ANOS1: variants seen among roughly 807,000 people sequenced by gnomAD.
ANOS1 encodes anosmin 1.
A neutral mutation model predicts 59.0 loss-of-function variants in ANOS1; 6 were observed. The ratio of observed to expected loss-of-function variants is 0.10; its 90% confidence interval spans 0.06 to 0.20. The LOEUF (loss-of-function observed/expected upper bound fraction) is 0.20, where lower values mean the gene tolerates loss of function less well. ANOS1 is among the 10% of genes least tolerant of loss of function. ANOS1 has a pLI of 1.00. For missense variants in ANOS1, 433 were observed against 542.3 expected (o/e 0.80, Z 2.00); for synonymous variants, 217 against 223.4 (o/e 0.97, Z 0.25).
At chrX:8,611,318 G>GAA (rs143887939) in intron 3 of ANOS1, among the ~76,000 whole-genome samples, 24 of 100,231 alleles carry the variant, frequency 2.4e-4, no homozygotes, top group African/African-American at 7.6e-4. Flanking sequence ...TGACCAAAAG[G>GAA]AAAAAAAAAA....
Position 8,654,662 on chromosome X carries a change from C to T in ANOS1, c.256-30992G>A, listed in dbSNP as rs557430700. 5.4e-5 allele frequency among the ~76,000 whole-genome samples: 6 copies of T among 111,846 alleles called. No homozygotes were observed. The East Asian group carries it at 1.4e-3, about 26-fold the overall frequency. ...CCTGTGATTCCCTGTCCCATGACTA[C>T]GGCTCTCAGTACGGTGTGTTGACAT... On this transcript the variant is annotated intron_variant, in intron 2 of 13. Transcript: ENST00000262648.
chrX:8,644,285 C>A (rs1931715338), intron 2 of ANOS1, among the ~76,000 whole-genome samples: 1 of 111,090 alleles, frequency 9.0e-6, no homozygotes, highest in African/African-American at 3.3e-5. Context: ...CCCAAATAAA[C>A]CTGAAAAATT....
intron 12 of ANOS1, 121 bp from the exon 13 acceptor site, chrX:8,534,581 T>C: frequency 1.4e-6 from 1 of 735,270 alleles, no homozygotes. Context: ...GCAAGTTTGG[T>C]TGCTTTGTAA....
At chrX:8,578,469 G>A (rs1930367877) in intron 6 of ANOS1, among the ~76,000 whole-genome samples, 2 of 111,490 alleles carry the variant, frequency 1.8e-5, no homozygotes, top group South Asian at 7.6e-4. Context: ...AAAAAGTCAT[G>A]GGTCCCCACG....
chrX:8,664,995 T>G (rs1195149692), intron 2 of ANOS1, among the ~76,000 whole-genome samples: 2 of 111,694 alleles, frequency 1.8e-5, no homozygotes, highest in Non-Finnish European at 3.8e-5. Context: ...GCACACAAAA[T>G]GATGAACAAA....
rs186366629 is a variant in ANOS1, at chrX:8,546,313, A to T, written c.1355-6555T>A. The stretch of plus-strand genomic sequence containing the variant: ...GTTTGAAACACATACTTTCCTCTTC[A>T]TTGTTCTTTGGACTTCCCAAAGCTT... On this transcript the variant is annotated intron_variant, in intron 9 of 13. Coordinates refer to ENST00000262648, the MANE Select transcript of ANOS1 (RefSeq NM_000216.4). Among the ~76,000 whole-genome samples, 27 of 112,388 alleles carry T rather than the reference A, an allele frequency of 2.4e-4. No homozygotes were observed. The East Asian group carries it at 5.6e-3, about 23-fold the overall frequency.
chrX:8,659,050 A>C (rs1309517843), intron 2 of ANOS1, among the ~76,000 whole-genome samples: 2 of 111,012 alleles, frequency 1.8e-5, no homozygotes, highest in Non-Finnish European at 3.8e-5. Context: ...ATAGTGAAAC[A>C]CTGTCTCTAC....
At chrX:8,541,256 A>G in intron 9 of ANOS1, among the ~76,000 whole-genome samples, 1 of 105,087 alleles carries the variant, frequency 9.5e-6, no homozygotes, top group African/African-American at 3.5e-5. Context: ...TACAAAAATT[A>G]GCCAGGCGTG....
intron 2 of ANOS1, among the ~76,000 whole-genome samples, chrX:8,646,658 G>A (rs778846108): frequency 1.8e-5 from 2 of 110,574 alleles, no homozygotes; most frequent in South Asian, 4.0e-4. Context: ...CTGGACCGGC[G>A]TGGTGGCTCA....
chrX:8,529,847 G>A lies in ANOS1; in HGVS notation c.*3148C>T, dbSNP rs1409784911. 9.0e-6 allele frequency: 1 copy of A among 111,223 alleles called. No individual in the cohort carries two copies. Among genetic ancestry groups the A allele is most frequent in the African/African-American group, 3.3e-5 (1 of 30,521 alleles). The allele number at this position is 111,223 out of a possible 1,213,427, so 9.2% of individuals were successfully genotyped here. On this transcript the variant is annotated 3_prime_UTR_variant, in exon 14 of 14. Coordinates refer to ENST00000262648, the MANE Select transcript of ANOS1 (RefSeq NM_000216.4). ...GAGGGTGCAACTGGCATCTGGTGAG[G>A]AGAAAGTGTGGATGCTACTAAAAAC...
chrX:8,550,513 T>C (rs1929839392), intron 9 of ANOS1, among the ~76,000 whole-genome samples: 1 of 110,942 alleles, frequency 9.0e-6, no homozygotes, highest in Non-Finnish European at 1.9e-5. Context: ...TATATAAAAA[T>C]GCAAAAGGCC....
At position 8,619,959 on chromosome X, in the gene ANOS1, C is replaced by G. The variant is rs376639603; in HGVS notation, c.318+3649G>C. Among the ~76,000 whole-genome samples the G allele has an allele frequency of 4.2e-4, 47 of 111,731 alleles. No homozygotes were observed. The East Asian group carries it at 5.7e-3, about 13-fold the overall frequency. On this transcript the variant is annotated intron_variant, in intron 3 of 13. Coordinates refer to ENST00000262648, the MANE Select transcript of ANOS1 (RefSeq NM_000216.4). Reference sequence around the variant, plus strand: ...TTATTGTTTTTTGTTTTGACACAGGCTCTTACTCTTTTGCCCAGTCTGGAC... The same window carrying G: ...TTATTGTTTTTTGTTTTGACACAGGGTCTTACTCTTTTGCCCAGTCTGGAC...
At chrX:8,720,512 G>T (rs750957675) in intron 1 of ANOS1, among the ~76,000 whole-genome samples, 1 of 112,190 alleles carries the variant, frequency 8.9e-6, no homozygotes, top group East Asian at 2.8e-4. Context: ...CTATATGTAA[G>T]GATTTAAAAG....
At chrX:8,634,152 T>G (rs1487682548) in intron 2 of ANOS1, among the ~76,000 whole-genome samples, 8 of 111,420 alleles carry the variant, frequency 7.2e-5, no homozygotes, top group African/African-American at 2.3e-4. Flanking sequence ...ACTAAGAGAA[T>G]GCACTTGTTC....
chrX:8,723,764 A>G (rs1169492520), intron 1 of ANOS1, among the ~76,000 whole-genome samples: 1 of 111,479 alleles, frequency 9.0e-6, no homozygotes, highest in Non-Finnish European at 1.9e-5. Context: ...GTGTAGCTCC[A>G]CTAGTTGCAT....
rs764646051 is a variant in ANOS1, at chrX:8,646,508, ACACT to A, written c.256-22842_256-22839del. Among the ~76,000 whole-genome samples, 499 of 111,093 alleles carry A rather than the reference ACACT, an allele frequency of 4.5e-3. 7 individuals carry two copies. The highest frequency in any genetic ancestry group is 0.016 in the African/African-American group (478 of 30,587). On this transcript the variant is annotated intron_variant, in intron 2 of 13. Coordinates refer to ENST00000262648, the MANE Select transcript of ANOS1 (RefSeq NM_000216.4). ...AGCATGAAAATAAATGTGAACGCTA[ACACT>A]CATTTTCCATCTTTTCATGGCTGCA...
intron 6 of ANOS1, among the ~76,000 whole-genome samples, chrX:8,573,007 C>A (rs1044449661): frequency 9.1e-6 from 1 of 109,632 alleles, no homozygotes; most frequent in Non-Finnish European, 1.9e-5. Context: ...TCACTTCCTT[C>A]TCTAAGAAAT....
chrX:8,562,200 C>A (rs1930044355), intron 8 of ANOS1, among the ~76,000 whole-genome samples: 1 of 111,460 alleles, frequency 9.0e-6, no homozygotes, highest in African/African-American at 3.3e-5. Flanking sequence ...CTTGGCCTCC[C>A]AAAGTGCTGG....
At chrX:8,571,780 T>C (rs16998682) in intron 6 of ANOS1, among the ~76,000 whole-genome samples, 15,425 of 111,403 alleles carry the variant, frequency 0.14, 1,073 homozygotes, top group Admixed American at 0.26. Context: ...TCACCACCAG[T>C]GATTTACAGA....
Sources: gnomAD v4.1 joint callset for allele counts (sites outside exome capture counted in the v4.1 genomes callset) on GRCh38, gnomAD v4.1.1 for gene constraint, MANE v1.5 for transcripts, NCBI Gene and HGNC (gene_info 2026-07-23, HGNC 2026-07-21) for gene names.